The following ATAD3B variants were observed in gnomAD, a reference collection of about 807,000 sequenced individuals.
ATAD3B encodes the protein ATPase family AAA domain-containing protein 3B.
Under a neutral mutation model 70.2 loss-of-function variants are expected in ATAD3B, and 59 were observed. The ratio of observed to expected loss-of-function variants is 0.84; its 90% CI spans 0.68 to 1.04. ATAD3B has a LOEUF of 1.04. ATAD3B is among the 50% of genes least tolerant of loss of function. The pLI, the probability that ATAD3B is intolerant of heterozygous loss-of-function variation, is 0.00. For synonymous variants in ATAD3B, 423 were observed against 388.6 expected (o/e 1.09, Z -1.04); for missense variants, 961 against 913.4 (o/e 1.05, Z -0.67).
chr1:1,486,505 G>A (rs1640225750), intron 10 of ATAD3B, 39 bp from the exon 11 acceptor site: 1 of 1,611,868 alleles, frequency 6.2e-7, no homozygotes. Context: ...AGAGGCAGAG[G>A]GAACATCTGT....
chr1:1,491,167 C>G (rs1337607620), intron 15 of ATAD3B, among the ~76,000 whole-genome samples: 2 of 151,972 alleles, frequency 1.3e-5, no homozygotes, highest in Non-Finnish European at 2.9e-5. Flanking sequence ...CTCGGAGGCA[C>G]CCCTCCTGCT....
At chr1:1,504,876 CAGT>C in the ATAD3B span, among the ~76,000 whole-genome samples, 26 of 152,112 alleles carry the variant, frequency 1.7e-4, no homozygotes, top group African/African-American at 5.8e-4. Flanking sequence ...GCACTGCTCA[CAGT>C]GGTGGTGGTA....
At chr1:1,491,463 G>A (rs1326151743) in intron 15 of ATAD3B, among the ~76,000 whole-genome samples, 1 of 151,910 alleles carries the variant, frequency 6.6e-6, no homozygotes, top group Non-Finnish European at 1.5e-5. Flanking sequence ...CCGGGGAGTT[G>A]GAGGTTGCAA....
rs1235063477 is a variant in ATAD3B, at chr1:1,480,546, C to T, written c.445-321C>T. 1.0e-4 allele frequency among the ~76,000 whole-genome samples: 15 copies of T among 147,630 alleles called. 1 individual carries two copies. The highest frequency in any genetic ancestry group is 2.1e-4 in the Non-Finnish European group (14 of 67,128). On this transcript the variant is annotated intron_variant, in intron 4 of 15. Coordinates refer to ENST00000673477, the MANE Select transcript of ATAD3B (RefSeq NM_031921.6). Reference sequence around the variant, plus strand: ...CATTGTAGCTTTAACGTTTAATTGGCGGAAGACAGAAGCTTCCTTAAGCCC... The same window carrying T: ...CATTGTAGCTTTAACGTTTAATTGGTGGAAGACAGAAGCTTCCTTAAGCCC...
chr1:1,478,277 A>G (rs1639703725), intron 2 of ATAD3B: 1 of 804,818 alleles, frequency 1.2e-6, no homozygotes, highest in East Asian at 2.9e-5. Context: ...GATTATAGGC[A>G]AGAGCGATGG....
chr1:1,509,453 C>A, the ATAD3B span: 4,190 of 1,589,596 alleles, frequency 2.6e-3, 291 homozygotes, highest in African/African-American at 0.05. Context: ...TAATAAAGTC[C>A]CACGGGGGCC....
At position 1,495,700 on chromosome 1, in the gene ATAD3B, C is replaced by G; in HGVS notation, c.1830C>G (p.Pro610=). 1.2e-6 allele frequency: 2 copies of G among 1,612,358 alleles called. No individual in the cohort carries two copies. Among genetic ancestry groups the G allele is most frequent in the Non-Finnish European group, 1.7e-6 (2 of 1,178,668 alleles). ...CCTCCTACCCCTGCCTTGCCGGCCC[C>G]TGCACATTTAGGATATGCTCCTGGA... ...TDPSYPCLAG[P]CTFRICSWMG... Residue 610 remains proline, a synonymous_variant, in exon 16 of 16, where the codon CCC becomes CCG. Transcript: ENST00000673477.
chr1:1,495,385 G>A, intron 15 of ATAD3B, 100 bp from the exon 16 acceptor site: 1 of 1,452,436 alleles, frequency 6.9e-7, no homozygotes, highest in South Asian at 1.4e-5. Flanking sequence ...GGTTGTCCTG[G>A]TGCCCCTGGT....
In ATAD3B at chr1:1,497,808, G is replaced by T. The variant is rs1214715629; in HGVS notation, c.*1991G>T. On this transcript the variant is annotated 3_prime_UTR_variant, in exon 16 of 16. Transcript: ENST00000673477. ...TTGGACCTGGGAGGGAGAGGTTGCA[G>T]TGAGCCGAGATCACGCCACTGCACT... 1.3e-5 allele frequency: 2 copies of T among 148,984 alleles called. No homozygotes were observed. The highest frequency in any genetic ancestry group is 5.0e-5 in the African/African-American group (2 of 39,714). The allele number at this position is 148,984 out of a possible 1,614,324, so 9.2% of individuals were successfully genotyped here. A position where few individuals can be genotyped will look rare whatever the true frequency, so the allele number is the denominator to read the frequency against.
rs767894531 is a variant in ATAD3B at position 1,482,090 on chromosome 1, G to T, written c.515-48G>T. The T allele has an allele frequency of 2.5e-6, 4 of 1,581,940 alleles. 1 individual carries two copies. The African/African-American group carries it at 4.0e-5, about 16-fold the overall frequency. Reference sequence around the variant, plus strand: ...CCGGTCCACAGTGTGGGTGGAGGTGGACGTGCTGCACTGCATGGTGCTGAG... The same window carrying T: ...CCGGTCCACAGTGTGGGTGGAGGTGTACGTGCTGCACTGCATGGTGCTGAG... On this transcript the variant is annotated intron_variant, in intron 5 of 15. Transcript: ENST00000673477.
chr1:1,485,803 C>T lies in ATAD3B; in HGVS notation c.928C>T (p.Arg310Ter), dbSNP rs751720138. ...GCAGGTCAGCCGGCGGCTCCTCAGT[C>T]GACCCCAGGACGTGCTGGAGGGTGT... ...PIQVSRRLLSRPQDVLEGVVL... is the reference protein window; with the variant it reads ...PIQVSRRLLS The change falls in exon 9 of 16, where the codon CGA becomes TGA. Residue 310 changes from arginine (R) to a stop codon, truncating the protein, a stop_gained. Transcript: ENST00000673477. LOFTEE classifies it high-confidence loss of function. 1.8e-5 allele frequency: 29 copies of T among 1,612,956 alleles called. 1 individual carries two copies. The highest frequency in any genetic ancestry group is 4.5e-5 in the East Asian group (2 of 44,868).
intron 6 of ATAD3B, 99 bp from the exon 7 acceptor site, chr1:1,482,446 A>G: frequency 6.2e-7 from 1 of 1,603,772 alleles, no homozygotes; most frequent in Non-Finnish European, 8.5e-7. Context: ...TGTCCTGGCA[A>G]GGCCGTGCCG....
chr1:1,500,310 T>C (rs1282303790), downstream of ATAD3B, among the ~76,000 whole-genome samples: 1 of 150,396 alleles, frequency 6.6e-6, no homozygotes, highest in African/African-American at 2.4e-5. Context: ...CCCAGCACTT[T>C]GGGAGGCCGA....
chr1:1,483,069 C>T (rs930675206), intron 7 of ATAD3B: 8 of 454,190 alleles, frequency 1.8e-5, no homozygotes, highest in African/African-American at 8.1e-5. Flanking sequence ...CGGAGGTGGG[C>T]GGATCACGAG....
downstream of ATAD3B, among the ~76,000 whole-genome samples, chr1:1,502,713 T>C (rs1309074407): frequency 1.3e-5 from 2 of 148,978 alleles, no homozygotes. Context: ...GGTTTCACCA[T>C]GTTGCCAAGG....
chr1:1,503,802 C>T, the ATAD3B span: 1 of 1,289,422 alleles, frequency 7.8e-7, no homozygotes, highest in Non-Finnish European at 1.1e-6. Flanking sequence ...TTGGGCGCCT[C>T]ATTTCACAGA....
intron 12 of ATAD3B, among the ~76,000 whole-genome samples, chr1:1,488,667 G>A (rs1349377581): frequency 6.6e-6 from 1 of 151,918 alleles, no homozygotes; most frequent in East Asian, 1.9e-4. Flanking sequence ...GCTGATGCAG[G>A]AGAATCGCTT....
At position 1,481,080 on chromosome 1, in the gene ATAD3B, G is replaced by C; in HGVS notation, c.514+144G>C. The C allele has an allele frequency of 2.1e-6, 3 of 1,461,542 alleles. No homozygotes were observed. In the South Asian group the frequency reaches 4.0e-5, roughly 20 times the overall value. The allele number at this position is 1,461,542 out of a possible 1,614,324, so 90.5% of individuals were successfully genotyped here. On this transcript the variant is annotated intron_variant, in intron 5 of 15. Transcript: ENST00000673477. The stretch of plus-strand genomic sequence containing the variant: ...AGGCCTGCTGGGGCTCTGCGGGGTG[G>C]GGCTCCCTCTCGGAAGACACCTCTG...
chr1:1,478,261 T>G (rs1639703298), intron 2 of ATAD3B: 4 of 681,034 alleles, frequency 5.9e-6, no homozygotes, highest in Non-Finnish European at 9.3e-6. Flanking sequence ...CCTCACAAAG[T>G]GCTGGGATTA....
Sources: gnomAD v4.1 joint callset for allele counts (sites outside exome capture counted in the v4.1 genomes callset) on GRCh38, gnomAD v4.1.1 for gene constraint, MANE v1.5 for transcripts, NCBI Gene and HGNC (gene_info 2026-07-23, HGNC 2026-07-21) for gene names.